The following GOLGA7 variants were observed in gnomAD, a reference collection of about 807,000 sequenced individuals.
GOLGA7 encodes the protein golgin subfamily A member 7.
A neutral mutation model predicts 21.1 loss-of-function variants in GOLGA7; 10 were observed. The ratio of observed to expected loss-of-function variants is 0.47; its 90% CI spans 0.29 to 0.80. The LOEUF is 0.80. Among genes scored for constraint, GOLGA7 ranks in the 30% least tolerant of loss-of-function variants. The pLI, the probability that GOLGA7 is intolerant of heterozygous loss-of-function variation, is 0.08. For synonymous variants in GOLGA7, 64 were observed against 62.6 expected, an observed-to-expected ratio of 1.02 and a Z score of -0.10; for missense variants, 114 against 166.8, an observed-to-expected ratio of 0.68 and a Z score of 1.74.
intron 1 of GOLGA7, among the ~76,000 whole-genome samples, chr8:41,491,457 G>C (rs988077876): frequency 3.9e-5 from 6 of 152,198 alleles, no homozygotes; most frequent in Non-Finnish European, 5.9e-5. Context: ...GCCAGGCGGT[G>C]CGTTCAGGCT....
chr8:41,494,851 A>G (rs1317257189), intron 1 of GOLGA7, among the ~76,000 whole-genome samples: 1 of 152,338 alleles, frequency 6.6e-6, no homozygotes, highest in Non-Finnish European at 1.5e-5. Context: ...AACGGACAAA[A>G]CAATGACTAC....
intron 2 of GOLGA7, chr8:41,502,487 A>G (rs999381561): frequency 6.6e-6 from 1 of 152,244 alleles, no homozygotes; most frequent in Non-Finnish European, 1.5e-5. Flanking sequence ...TAAAATGAAG[A>G]TAAAGACTTC....
Position 41,497,641 on chromosome 8 carries a change from A to G in GOLGA7, c.244A>G (p.Met82Val), listed in dbSNP as rs1806053077. ...CLTAYTIFLCMETHYEKVLKK... is the reference protein window; with the variant it reads ...CLTAYTIFLCVETHYEKVLKK... ...AACAGCATATACCATCTTCCTATGCATGGAAACTCATTATGAGAAGGTAAT... is the reference window on the plus strand; with the variant it reads ...AACAGCATATACCATCTTCCTATGCGTGGAAACTCATTATGAGAAGGTAAT... Residue 82 changes from methionine to valine, a missense_variant, in exon 2 of 5, where the codon ATG becomes GTG. By Grantham distance (21) the Met-to-Val change is conservative (BLOSUM62 1). Transcript: ENST00000357743. 10 of 1,553,736 alleles carry G rather than the reference A, an allele frequency of 6.4e-6. No individual in the cohort carries two copies. The highest frequency in any genetic ancestry group is 5.3e-6 in the Non-Finnish European group (6 of 1,134,678).
At chr8:41,509,145 C>T (rs941374922) in intron 4 of GOLGA7, among the ~76,000 whole-genome samples, 35 of 152,304 alleles carry the variant, frequency 2.3e-4, no homozygotes, top group Admixed American at 2.1e-3. Context: ...ATTATTCCAT[C>T]ACAACTAGTG....
At position 41,490,791 on chromosome 8, in the gene GOLGA7, C is replaced by A. The variant is rs1458595230; in HGVS notation, c.-64C>A. On this transcript the variant is annotated 5_prime_UTR_variant, in exon 1 of 5. Transcript: ENST00000357743. ...GGCGGGTCAGAGTCCCGGGTCCAGG[C>A]CGGGGCTCTGACTCGCGGTTGGTGT... 5.5e-6 allele frequency: 5 copies of A among 902,150 alleles called. No homozygotes were observed. The highest frequency in any genetic ancestry group is 8.7e-6 in the Non-Finnish European group (5 of 571,692). The allele number at this position is 902,150 out of a possible 1,614,324, so 55.9% of individuals were successfully genotyped here. A position where few individuals can be genotyped will look rare whatever the true frequency, so the allele number is the denominator to read the frequency against.
chr8:41,507,294 G>A (rs754190824), intron 4 of GOLGA7, among the ~76,000 whole-genome samples, 173 bp downstream of exon 4: 15 of 152,022 alleles, frequency 9.9e-5, no homozygotes, highest in African/African-American at 3.6e-4. Flanking sequence ...ATGTGTATTC[G>A]GCCCAAGTTC....
intron 1 of GOLGA7, among the ~76,000 whole-genome samples, chr8:41,492,973 T>G (rs1435958817): frequency 6.6e-6 from 1 of 152,248 alleles, no homozygotes; most frequent in Non-Finnish European, 1.5e-5. Context: ...GCTCCACTGA[T>G]TCTTGTCAGG....
chr8:41,499,439 G>A (rs756330632), intron 2 of GOLGA7, among the ~76,000 whole-genome samples: 3 of 152,308 alleles, frequency 2.0e-5, no homozygotes, highest in African/African-American at 4.8e-5. Flanking sequence ...ATGTGGGCTT[G>A]GAGAATGAGT....
intron 4 of GOLGA7, among the ~76,000 whole-genome samples, chr8:41,508,218 T>C (rs1416757128): frequency 6.6e-6 from 1 of 152,204 alleles, no homozygotes; most frequent in Non-Finnish European, 1.5e-5. Context: ...GAAGAGTTCA[T>C]CAGATAATTC....
At chr8:41,503,206 T>TAAA (rs35017365) in intron 2 of GOLGA7, among the ~76,000 whole-genome samples, 25,490 of 148,310 alleles carry the variant, frequency 0.17, 2,551 homozygotes, top group Middle Eastern at 0.29. Context: ...CTAAAGTTTA[T>TAAA]AAAAAAAAAA....
At chr8:41,497,409 C>T in intron 1 of GOLGA7, 100 bp from the exon 2 acceptor site, 1 of 676,484 alleles carries the variant, frequency 1.5e-6, no homozygotes, top group Non-Finnish European at 2.4e-6. Context: ...AAAAAATTGT[C>T]AACTAAGAAT....
chr8:41,491,675 TAAAA>T (rs11321591), intron 1 of GOLGA7, among the ~76,000 whole-genome samples: 2 of 148,554 alleles, frequency 1.3e-5, no homozygotes, highest in African/African-American at 5.0e-5. Context: ...AGCAAAACTT[TAAAA>T]AAAAAAAAAA....
intron 1 of GOLGA7, among the ~76,000 whole-genome samples, chr8:41,493,263 C>T (rs578037160): frequency 1.3e-5 from 2 of 152,318 alleles, no homozygotes; most frequent in East Asian, 3.9e-4. Context: ...TTCTGTTTCT[C>T]TACTACTTAC....
rs1044198088 is a variant in GOLGA7, at chr8:41,490,615, C to T, written c.-240C>T. 1.5e-4 allele frequency: 78 copies of T among 509,652 alleles called. No individual in the cohort carries two copies. In the East Asian group the frequency reaches 2.3e-3, roughly 15 times the overall value. The allele number at this position is 509,652 out of a possible 1,614,324, so 31.6% of individuals were successfully genotyped here. On this transcript the variant is annotated 5_prime_UTR_variant, in exon 1 of 5. Transcript: ENST00000357743. ...GACAGCAGCTGGAGGGCAGAGGAGG[C>T]GGGTTTGTGTTTCCCGGGCCGAACC...
intron 1 of GOLGA7, among the ~76,000 whole-genome samples, chr8:41,493,512 G>A (rs552544059): frequency 2.6e-5 from 4 of 152,266 alleles, no homozygotes; most frequent in African/African-American, 7.2e-5. Flanking sequence ...ATGCTTAAGC[G>A]ATTTGTTGCC....
At chr8:41,490,471 G>C (rs565696904), upstream of GOLGA7, 7 of 198,842 alleles carry the variant, frequency 3.5e-5, no homozygotes, top group East Asian at 1.6e-4. Flanking sequence ...GCGCAGCTTC[G>C]GCAGGGTGGC....
At chr8:41,503,743 G>T (rs1400679344) in intron 2 of GOLGA7, among the ~76,000 whole-genome samples, 2 of 114,090 alleles carry the variant, frequency 1.8e-5, no homozygotes, top group Non-Finnish European at 3.5e-5. Context: ...CATTATTTCT[G>T]AGGGCTCTGT....
chr8:41,507,004 C>G (rs774576374), intron 3 of GOLGA7, 55 bp from the exon 4 acceptor site: 1 of 839,932 alleles, frequency 1.2e-6, no homozygotes, highest in South Asian at 1.3e-5. Context: ...CTTGCCAAGT[C>G]CCCCTTTGTG....
chr8:41,495,451 A>G (rs1241923746), intron 1 of GOLGA7, among the ~76,000 whole-genome samples: 1 of 151,128 alleles, frequency 6.6e-6, no homozygotes, highest in East Asian at 2.0e-4. Flanking sequence ...CGCCTGGCTA[A>G]TTTTTGCATT....
Sources: gnomAD v4.1 joint callset for allele counts (sites outside exome capture counted in the v4.1 genomes callset) on GRCh38, gnomAD v4.1.1 for gene constraint, MANE v1.5 for transcripts, NCBI Gene and HGNC (gene_info 2026-07-23, HGNC 2026-07-21) for gene names.